Variants in TMBIM6 observed in about 807,000 individuals in gnomAD.
TMBIM6 encodes bax inhibitor 1.
Under a neutral mutation model 31.4 loss-of-function variants are expected in TMBIM6, and 13 were observed. The observed-to-expected ratio is 0.41, with a 90% confidence interval of 0.27 to 0.66. The LOEUF is 0.66. Ranked by LOEUF, TMBIM6 falls within the 30% of genes least tolerant of loss-of-function variation. The pLI is 0.28. For synonymous variants in TMBIM6, 85 were observed against 101.7 expected, an observed-to-expected ratio of 0.84 and a Z score of 0.99; for missense variants, 275 against 289.5, an observed-to-expected ratio of 0.95 and a Z score of 0.36.
chr12:49,742,405 G>C lies in TMBIM6; in HGVS notation c.-31+794G>C, dbSNP rs74590387. ...TTGCTGGACCTGTGGTAACAAGTAG[G>C]CTTTGGTATCTTTGTATATTTACTG... is the stretch of plus-strand genomic sequence containing the variant. On this transcript the variant is annotated intron_variant, in intron 1 of 9. Transcript: ENST00000267115. The C allele has an allele frequency of 6.1e-6, 8 of 1,308,018 alleles. No individual in the cohort carries two copies. In the South Asian group the frequency reaches 1.2e-4, roughly 20 times the overall value. 81.0% of individuals were successfully genotyped at this position (1,308,018 alleles called of 1,614,324 possible).
intron 1 of TMBIM6, chr12:49,744,391 C>T (rs929605407): frequency 6.6e-6 from 1 of 152,118 alleles, no homozygotes; most frequent in African/African-American, 2.4e-5. Context: ...ATGTCTTCTA[C>T]CACTCTGTTT....
At chr12:49,758,195 TA>T in intron 4 of TMBIM6, 31 bp from the exon 5 acceptor site, 1 of 1,613,836 alleles carries the variant, frequency 6.2e-7, no homozygotes, top group Non-Finnish European at 8.5e-7. Flanking sequence ...GAATTGATCG[TA>T]ATACTGTGTT....
intron 1 of TMBIM6, among the ~76,000 whole-genome samples, chr12:49,748,793 G>T (rs768430345): frequency 4.6e-5 from 7 of 152,152 alleles, no homozygotes; most frequent in Non-Finnish European, 1.0e-4. Context: ...GTAAGTAATA[G>T]GCTTAGAGGT....
At chr12:49,742,916 T>G (rs1945323519) in intron 1 of TMBIM6, among the ~76,000 whole-genome samples, 1 of 152,174 alleles carries the variant, frequency 6.6e-6, no homozygotes, top group Non-Finnish European at 1.5e-5. Flanking sequence ...ATCTGTACTT[T>G]TGATCCATAG....
intron 2 of TMBIM6, 35 bp downstream of exon 2, chr12:49,752,584 A>ATATTTT (rs1322696549): frequency 6.8e-7 from 1 of 1,481,248 alleles, no homozygotes; most frequent in Non-Finnish European, 9.4e-7. Context: ...TTTGTACTGC[A>ATATTTT]TTTCTTTTCA....
intron 1 of TMBIM6, among the ~76,000 whole-genome samples, chr12:49,749,397 G>GT (rs1272721961): frequency 2.0e-5 from 3 of 151,434 alleles, no homozygotes; most frequent in Admixed American, 1.3e-4. Context: ...TGAAAATACC[G>GT]TAAGTTGAAA....
At chr12:49,761,635 C>T in intron 8 of TMBIM6, 69 bp from the exon 9 acceptor site, 1 of 1,481,142 alleles carries the variant, frequency 6.8e-7, no homozygotes, top group Non-Finnish European at 9.4e-7. Flanking sequence ...GGTTTATATT[C>T]TGCATCTTTG....
intron 8 of TMBIM6, among the ~76,000 whole-genome samples, chr12:49,759,828 G>A (rs762127479): frequency 1.7e-4 from 25 of 149,894 alleles, no homozygotes; most frequent in South Asian, 4.2e-4. Flanking sequence ...AAAAAAGTGT[G>A]GGGGCCGGGC....
chr12:49,748,604 G>A (rs747129761), intron 1 of TMBIM6, among the ~76,000 whole-genome samples: 41 of 152,224 alleles, frequency 2.7e-4, no homozygotes, highest in Non-Finnish European at 4.0e-4. Flanking sequence ...CCTCTCCTGG[G>A]ATGAAGGCAT....
At chr12:49,754,534 GT>G (rs1945553635) in intron 3 of TMBIM6, among the ~76,000 whole-genome samples, 1 of 152,170 alleles carries the variant, frequency 6.6e-6, no homozygotes, top group Non-Finnish European at 1.5e-5. Flanking sequence ...TGATGAAAAT[GT>G]TGTGACCTTA....
intron 9 of TMBIM6, chr12:49,762,068 G>A (rs532684452): frequency 2.7e-4 from 96 of 356,470 alleles, no homozygotes; most frequent in African/African-American, 1.8e-3. Context: ...ATATAGTTGT[G>A]ACTCAGAGAA....
intron 9 of TMBIM6, 103 bp downstream of exon 9, chr12:49,761,882 C>A: frequency 8.9e-7 from 1 of 1,118,190 alleles, no homozygotes; most frequent in East Asian, 2.5e-5. Context: ...GTGTTAGGTC[C>A]AGGGTAACTG....
At chr12:49,754,189 G>A (rs1194320088) in intron 3 of TMBIM6, among the ~76,000 whole-genome samples, 3 of 152,070 alleles carry the variant, frequency 2.0e-5, no homozygotes, top group Non-Finnish European at 2.9e-5. Context: ...GTCTTGTGGT[G>A]TCGTCCTGAC....
intron 1 of TMBIM6, chr12:49,742,144 ACT>A (rs756145333): frequency 2.5e-5 from 41 of 1,611,482 alleles, no homozygotes; most frequent in Non-Finnish European, 3.1e-5. Context: ...GTGATGTCAC[ACT>A]CCTCTGTGAC....
intron 3 of TMBIM6, among the ~76,000 whole-genome samples, 169 bp from the exon 4 acceptor site, chr12:49,755,466 G>A (rs1945571535): frequency 6.6e-6 from 1 of 152,162 alleles, no homozygotes; most frequent in East Asian, 1.9e-4. Flanking sequence ...AGGCTTCTGG[G>A]TTATCTCCTC....
At chr12:49,745,723 T>TCAAAAAAAAAAAAAA (rs1555227977) in intron 1 of TMBIM6, among the ~76,000 whole-genome samples, 8 of 101,644 alleles carry the variant, frequency 7.9e-5, no homozygotes, top group African/African-American at 6.5e-4. Context: ...AGACTCTGTC[T>TCAAAAAAAAAAAAAA]CAAAAAAAAA....
At chr12:49,746,788 A>G in intron 1 of TMBIM6, among the ~76,000 whole-genome samples, 1 of 152,032 alleles carries the variant, frequency 6.6e-6, no homozygotes, top group Middle Eastern at 3.4e-3. Context: ...GAAGAAGAAG[A>G]AGAAAAAAAA....
rs549751405 is a variant in TMBIM6, at chr12:49,763,433, C to A, written c.*537C>A. ...AATGGAGAGCCTCTTCTGGTGGATGCTTTGCTCCCTCTGAGCTGCCCATGC... is the reference window on the plus strand; with the variant it reads ...AATGGAGAGCCTCTTCTGGTGGATGATTTGCTCCCTCTGAGCTGCCCATGC... On this transcript the variant is annotated 3_prime_UTR_variant, in exon 10 of 10. Coordinates refer to ENST00000267115, the MANE Select transcript of TMBIM6 (RefSeq NM_003217.3). 2.6e-5 allele frequency: 4 copies of A among 153,154 alleles called. No homozygotes were observed. The South Asian group carries it at 8.2e-4, about 31-fold the overall frequency. The allele number at this position is 153,154 out of a possible 1,614,324, so 9.5% of individuals were successfully genotyped here.
chr12:49,742,729 C>G (rs372722059), intron 1 of TMBIM6: 2 of 154,398 alleles, frequency 1.3e-5, no homozygotes, highest in Admixed American at 1.3e-4. Flanking sequence ...AAACACATTT[C>G]TTATGACCTG....
Sources: allele counts gnomAD v4.1 joint callset (sites outside exome capture counted in the v4.1 genomes callset), GRCh38; gene constraint gnomAD v4.1.1; transcripts MANE v1.5; gene names NCBI Gene and HGNC (gene_info 2026-07-23, HGNC 2026-07-21).